TMEM163: variants seen among roughly 807,000 people sequenced by gnomAD.
TMEM163 encodes transmembrane protein 163.
Under a neutral mutation model 29.3 loss-of-function variants are expected in TMEM163, and 17 were observed. That is an observed-to-expected ratio of 0.58 (90% confidence interval 0.40 to 0.87). The LOEUF (loss-of-function observed/expected upper bound fraction) is 0.87. TMEM163 is among the 40% of genes least tolerant of loss of function. The pLI, the probability that TMEM163 is intolerant of heterozygous loss-of-function variation, is 0.00. For synonymous variants in TMEM163, 157 were observed against 160.6 expected, an observed-to-expected ratio of 0.98 and a Z score of 0.17; for missense variants, 303 against 381.5, an observed-to-expected ratio of 0.79 and a Z score of 1.71.
At chr2:134,644,310 T>C (rs1010945450) in intron 2 of TMEM163, among the ~76,000 whole-genome samples, 7 of 152,030 alleles carry the variant, frequency 4.6e-5, no homozygotes, top group African/African-American at 1.7e-4. Context: ...ACTAAAACGA[T>C]GTTTTTGAAA....
intron 2 of TMEM163, among the ~76,000 whole-genome samples, chr2:134,666,487 C>T (rs770002076): frequency 1.3e-5 from 2 of 152,168 alleles, no homozygotes; most frequent in Admixed American, 6.5e-5. Context: ...AAAGCGCTTC[C>T]GGCTCTCCAC....
intron 2 of TMEM163, among the ~76,000 whole-genome samples, chr2:134,644,066 G>A (rs1010978083): frequency 2.0e-5 from 3 of 152,070 alleles, no homozygotes; most frequent in Non-Finnish European, 4.4e-5. Flanking sequence ...AATGTGTGCA[G>A]TAACAGTATG....
chr2:134,598,611 G>A (rs942252263), intron 2 of TMEM163, among the ~76,000 whole-genome samples: 9 of 152,040 alleles, frequency 5.9e-5, no homozygotes, highest in African/African-American at 2.2e-4. Context: ...ATAAACAAGA[G>A]GGCAAAAAGA....
At chr2:134,579,735 G>A (rs1681648553) in intron 2 of TMEM163, among the ~76,000 whole-genome samples, 1 of 152,164 alleles carries the variant, frequency 6.6e-6, no homozygotes, top group Non-Finnish European at 1.5e-5. Context: ...AGGGCAGATT[G>A]TTTAATGTTT....
intron 2 of TMEM163, among the ~76,000 whole-genome samples, chr2:134,680,938 C>T (rs1684217416): frequency 6.6e-6 from 1 of 152,120 alleles, no homozygotes; most frequent in African/African-American, 2.4e-5. Flanking sequence ...ACACAGTAAG[C>T]GTAAAGATGA....
At chr2:134,635,637 G>A (rs1428416763) in intron 2 of TMEM163, among the ~76,000 whole-genome samples, 1 of 152,094 alleles carries the variant, frequency 6.6e-6, no homozygotes, top group African/African-American at 2.4e-5. Context: ...CTTTACCAGG[G>A]GAGATAAGAC....
At chr2:134,717,517 C>A (rs1242013608) in intron 1 of TMEM163, among the ~76,000 whole-genome samples, 2 of 152,116 alleles carry the variant, frequency 1.3e-5, no homozygotes, top group Non-Finnish European at 2.9e-5. Flanking sequence ...TTTAGAATTT[C>A]TAAGGAGAAA....
chr2:134,626,535 G>A (rs1682855706), intron 2 of TMEM163, among the ~76,000 whole-genome samples: 1 of 152,136 alleles, frequency 6.6e-6, no homozygotes, highest in Non-Finnish European at 1.5e-5. Context: ...GAGCATTGTG[G>A]TTGCGTTGGG....
intron 2 of TMEM163, among the ~76,000 whole-genome samples, chr2:134,693,626 A>C (rs867852857): frequency 0.017 from 2,528 of 151,684 alleles, 68 homozygotes; most frequent in African/African-American, 0.058. Context: ...AAAAAAAAAA[A>C]AAAACCTGAA....
chr2:134,641,981 T>G (rs547273570), intron 2 of TMEM163, among the ~76,000 whole-genome samples: 25 of 152,182 alleles, frequency 1.6e-4, no homozygotes, highest in African/African-American at 6.0e-4. Flanking sequence ...CTATCAAGGA[T>G]ACAGAGAGAC....
chr2:134,670,417 G>T (rs1683968130), intron 2 of TMEM163, among the ~76,000 whole-genome samples: 1 of 152,174 alleles, frequency 6.6e-6, no homozygotes, highest in Admixed American at 6.5e-5. Context: ...ACCCCACGTG[G>T]GGGAACACTG....
intron 4 of TMEM163, among the ~76,000 whole-genome samples, chr2:134,504,204 GGAGT>G (rs1309059065): frequency 6.6e-6 from 1 of 152,176 alleles, no homozygotes; most frequent in Non-Finnish European, 1.5e-5. Flanking sequence ...TCCACATTTA[GGAGT>G]GAGGAATAAA....
intron 2 of TMEM163, among the ~76,000 whole-genome samples, chr2:134,601,276 T>G (rs141810920): frequency 1.5e-3 from 231 of 152,290 alleles, no homozygotes; most frequent in Non-Finnish European, 2.6e-3. Flanking sequence ...CTTCATCTGT[T>G]CTAGCTAAAG....
intron 2 of TMEM163, among the ~76,000 whole-genome samples, chr2:134,589,889 T>C (rs1372418741): frequency 6.6e-6 from 1 of 152,150 alleles, no homozygotes; most frequent in Non-Finnish European, 1.5e-5. Context: ...TGAGCACTCA[T>C]TGAGTGCCTA....
rs535811215 is a variant in TMEM163 at position 134,633,966 on chromosome 2, CATATATATATATATATATAT to C, written c.322+79214_322+79233del. ...GTGAAACTGTCTCAAAAAAAAAATA[CATATATATATATATATATAT>C]ATATATATATATATATATATATATA... On this transcript the variant is annotated intron_variant, in intron 2 of 7. Coordinates refer to ENST00000281924, the MANE Select transcript of TMEM163 (RefSeq NM_030923.5). 5.1e-3 allele frequency among the ~76,000 whole-genome samples: 194 copies of C among 37,870 alleles called. 2 individuals carry two copies. Among genetic ancestry groups the C allele is most frequent in the East Asian group, 0.014 (9 of 634 alleles). 24.8% of individuals were successfully genotyped at this position (37,870 alleles called of 152,430 possible).
Position 134,466,222 on chromosome 2 carries a change from C to G in TMEM163, c.559G>C (p.Asp187His). 1 of 1,612,726 alleles carries G rather than the reference C, an allele frequency of 6.2e-7. No individual in the cohort carries two copies. ...AAAATGGAGACACTGAACAGGAAAT[C>G]GTCCTGCAAGAGAAAGTTCCAGATT... The part of the protein sequence containing the change: ...LSTRLLPEVD[D>H]FLFSVSILSG... The change falls in exon 6 of 8, where the codon GAT becomes CAT. Residue 187 changes from aspartate (D) to histidine (H), a missense_variant. By Grantham distance (81) the Asp-to-His change is moderately conservative. Coordinates refer to ENST00000281924, the MANE Select transcript of TMEM163 (RefSeq NM_030923.5).
chr2:134,510,059 C>G (rs1310479995), intron 4 of TMEM163, among the ~76,000 whole-genome samples: 1 of 152,122 alleles, frequency 6.6e-6, no homozygotes, highest in African/African-American at 2.4e-5. Context: ...AAGAAAGGCC[C>G]TGTGTGTCCT....
rs563219704 is a variant in TMEM163 at position 134,695,100 on chromosome 2, G to T, written c.322+18100C>A. Among the ~76,000 whole-genome samples, 8 of 152,056 alleles carry T rather than the reference G, an allele frequency of 5.3e-5. 1 individual carries two copies. In the South Asian group the frequency reaches 1.7e-3, roughly 32 times the overall value. The stretch of plus-strand genomic sequence containing the variant: ...AGGAAAAAAAAATTTTTTTTGAGAC[G>T]GAGTCTCGCTCTGTCACCCAGGCTA... On this transcript the variant is annotated intron_variant, in intron 2 of 7. Transcript: ENST00000281924.
intron 2 of TMEM163, among the ~76,000 whole-genome samples, chr2:134,585,606 G>T (rs1407845316): frequency 6.6e-6 from 1 of 152,142 alleles, no homozygotes; most frequent in Non-Finnish European, 1.5e-5. Flanking sequence ...GCCGGGCGCG[G>T]TGGCGGGCAC....
Sources: gnomAD v4.1 joint callset for allele counts (sites outside exome capture counted in the v4.1 genomes callset) on GRCh38, gnomAD v4.1.1 for gene constraint, MANE v1.5 for transcripts, NCBI Gene and HGNC (gene_info 2026-07-23, HGNC 2026-07-21) for gene names.